ZFYVE28: variants seen among roughly 807,000 people sequenced by gnomAD.
The protein encoded by ZFYVE28 is lateral signaling target protein 2 homolog.
A neutral mutation model predicts 82.1 loss-of-function variants in ZFYVE28; 40 were observed. The observed-to-expected ratio is 0.49, with a 90% CI of 0.38 to 0.63. ZFYVE28 has a LOEUF of 0.63. Ranked by LOEUF, ZFYVE28 falls within the 30% of genes least tolerant of loss-of-function variation. The pLI, the probability that ZFYVE28 is intolerant of heterozygous loss-of-function variation, is 0.00. For missense variants in ZFYVE28, 1,321 were observed against 1,242.1 expected, an observed-to-expected ratio of 1.06 and a Z score of -0.96; for synonymous variants, 612 against 546.1, an observed-to-expected ratio of 1.12 and a Z score of -1.68.
At chr4:2,284,260 C>T (rs558731524) in intron 8 of ZFYVE28, among the ~76,000 whole-genome samples, 183 of 152,270 alleles carry the variant, frequency 1.2e-3, no homozygotes, top group African/African-American at 4.2e-3. Flanking sequence ...AAGGCCGTGT[C>T]GCCCAGGCTG....
At chr4:2,328,933 A>G (rs112887804) in intron 6 of ZFYVE28, 9 of 487,432 alleles carry the variant, frequency 1.8e-5, no homozygotes, top group Non-Finnish European at 1.8e-5. Flanking sequence ...TCAGTTCACC[A>G]TAGATGTTTG....
intron 8 of ZFYVE28, among the ~76,000 whole-genome samples, chr4:2,283,808 C>T (rs1387216337): frequency 6.6e-6 from 1 of 152,240 alleles, no homozygotes; most frequent in Non-Finnish European, 1.5e-5. Context: ...GGAGAGAGGT[C>T]TGGAGTGCCA....
chr4:2,414,532 G>T (rs755567523), intron 1 of ZFYVE28, among the ~76,000 whole-genome samples: 1 of 152,198 alleles, frequency 6.6e-6, no homozygotes, highest in African/African-American at 2.4e-5. Flanking sequence ...ACGGTCTGGG[G>T]GTGCAGACAA....
intron 2 of ZFYVE28, among the ~76,000 whole-genome samples, chr4:2,345,728 TACCA>T (rs1723435909): frequency 6.6e-6 from 1 of 151,546 alleles, no homozygotes; most frequent in African/African-American, 2.4e-5. Context: ...TTAAAAACTA[TACCA>T]AATTACAGCA....
At chr4:2,375,183 T>C (rs1039846820) in intron 1 of ZFYVE28, among the ~76,000 whole-genome samples, 21 of 152,188 alleles carry the variant, frequency 1.4e-4, no homozygotes, top group African/African-American at 5.1e-4. Context: ...CACCGTGGCT[T>C]TTCCAAGAAA....
intron 1 of ZFYVE28, among the ~76,000 whole-genome samples, chr4:2,412,002 G>A (rs1396069982): frequency 1.3e-5 from 2 of 152,318 alleles, no homozygotes; most frequent in Non-Finnish European, 2.9e-5. Context: ...CCATAGAGGA[G>A]GCAGGTGCTC....
chr4:2,355,230 AT>A (rs1560269720), intron 1 of ZFYVE28, among the ~76,000 whole-genome samples: 798 of 17,338 alleles, frequency 0.046, 166 homozygotes, highest in East Asian at 0.16. Context: ...ATATATATAT[AT>A]ATATATATAT....
At chr4:2,288,571 G>T (rs1238278933) in intron 8 of ZFYVE28, among the ~76,000 whole-genome samples, 1 of 152,238 alleles carries the variant, frequency 6.6e-6, no homozygotes, top group Non-Finnish European at 1.5e-5. Context: ...CTCCAAGCTG[G>T]GTTGGTGAGT....
intron 1 of ZFYVE28, among the ~76,000 whole-genome samples, chr4:2,415,380 G>C (rs752028202): frequency 6.6e-6 from 1 of 151,864 alleles, no homozygotes; most frequent in African/African-American, 2.4e-5. Context: ...GCTTCGGGAG[G>C]CTGAGGCAGG....
In ZFYVE28 at chr4:2,377,615, C is replaced by T. The variant is rs61589402; in HGVS notation, c.40-23542G>A. Among the ~76,000 whole-genome samples the T allele has an allele frequency of 2.1e-3, 315 of 152,310 alleles. 6 individuals are homozygous for T. The East Asian group carries it at 0.049, about 24-fold the overall frequency. On this transcript the variant is annotated intron_variant, in intron 1 of 12. Transcript: ENST00000290974. ...TCGGGGCTGCCAGTCGCCTTCCCGC[C>T]GCACTGTGGGCTCATTCTCTATCTT... is the stretch of plus-strand genomic sequence containing the variant.
rs550454645 is a variant in ZFYVE28 at position 2,270,941 on chromosome 4, C to G, written c.2533-85G>C. 4.1e-5 allele frequency: 63 copies of G among 1,529,160 alleles called. 1 individual carries two copies. In the East Asian group the frequency reaches 1.1e-3, roughly 27 times the overall value. The allele number at this position is 1,529,160 out of a possible 1,614,324, so 94.7% of individuals were successfully genotyped here. A position where few individuals can be genotyped will look rare whatever the true frequency, so the allele number is the denominator to read the frequency against. ...CTCGCCCTCCCACACACCTACCCAC[C>G]CAGCTCAGGCCGCATTGGTGGGTGG... On this transcript the variant is annotated intron_variant, in intron 12 of 12. Coordinates refer to ENST00000290974, the MANE Select transcript of ZFYVE28 (RefSeq NM_020972.3).
chr4:2,404,066 A>G (rs1021701428), intron 1 of ZFYVE28, among the ~76,000 whole-genome samples: 9 of 151,754 alleles, frequency 5.9e-5, no homozygotes, highest in Non-Finnish European at 5.9e-5. Flanking sequence ...CACACCTGTA[A>G]TCCCAGCACA....
At chr4:2,353,025 A>AGGAG (rs1724704878) in intron 2 of ZFYVE28, among the ~76,000 whole-genome samples, 1 of 152,194 alleles carries the variant, frequency 6.6e-6, no homozygotes. Context: ...CTCCCCACCC[A>AGGAG]CAGAGGCTGT....
chr4:2,304,528 G>C lies in ZFYVE28; in HGVS notation c.1812C>G (p.Asp604Glu). Residue 604 changes from aspartate to glutamate, a missense_variant, in exon 8 of 13, where the codon GAC becomes GAG. Coordinates refer to ENST00000290974, the MANE Select transcript of ZFYVE28 (RefSeq NM_020972.3). Reference sequence around the variant, plus strand: ...CCTCCTCCTGTCTCTCAGGGGCCCTGTCGCTGGCCTTGGCTAAGCCGGCAG... The same window carrying C: ...CCTCCTCCTGTCTCTCAGGGGCCCTCTCGCTGGCCTTGGCTAAGCCGGCAG... ...SYAAGLAKASDRAPERQEEAP... is the reference protein window; with the variant it reads ...SYAAGLAKASERAPERQEEAP... 1 of 1,612,738 alleles carries C rather than the reference G, an allele frequency of 6.2e-7. No homozygotes were observed. The highest frequency in any genetic ancestry group is 8.5e-7 in the Non-Finnish European group (1 of 1,179,784).
chr4:2,290,701 G>GGGGCC (rs1372459167), intron 8 of ZFYVE28, among the ~76,000 whole-genome samples: 3 of 152,196 alleles, frequency 2.0e-5, no homozygotes, highest in Non-Finnish European at 4.4e-5. Flanking sequence ...CTGTGGGGCA[G>GGGGCC]GGGCCAGGCC....
intron 2 of ZFYVE28, among the ~76,000 whole-genome samples, chr4:2,350,440 G>A (rs1423216155): frequency 4.6e-5 from 7 of 151,986 alleles, no homozygotes; most frequent in African/African-American, 1.7e-4. Flanking sequence ...CTCCAGCCTG[G>A]GCGACAGAGC....
intron 5 of ZFYVE28, among the ~76,000 whole-genome samples, chr4:2,336,577 T>A (rs3118619): frequency 0.83 from 126,197 of 152,008 alleles, 52,921 homozygotes; most frequent in African/African-American, 0.96. Context: ...CCCCACTCCC[T>A]AAAAAAGAAA....
At chr4:2,338,959 G>A (rs561027640) in intron 4 of ZFYVE28, among the ~76,000 whole-genome samples, 48 of 151,104 alleles carry the variant, frequency 3.2e-4, no homozygotes, top group Non-Finnish European at 5.5e-4. Context: ...TGAGTGGCGC[G>A]CCACCAGGCC....
chr4:2,393,605 G>A (rs781716214), intron 1 of ZFYVE28, among the ~76,000 whole-genome samples: 27 of 152,172 alleles, frequency 1.8e-4, no homozygotes, highest in Non-Finnish European at 3.4e-4. Context: ...GCCCTGAAGT[G>A]TATTTTTGGT....
Sources: allele counts gnomAD v4.1 joint callset (sites outside exome capture counted in the v4.1 genomes callset), GRCh38; gene constraint gnomAD v4.1.1; transcripts MANE v1.5; gene names NCBI Gene and HGNC (gene_info 2026-07-23, HGNC 2026-07-21).